Variants in GPC5 observed in about 807,000 individuals in gnomAD.
GPC5 encodes glypican-5.
A neutral mutation model predicts 53.9 loss-of-function variants in GPC5; 47 were observed. That is an observed-to-expected ratio of 0.87 (90% confidence interval 0.69 to 1.11). The LOEUF is 1.11. Among genes scored for constraint, GPC5 ranks in the 50% most tolerant of loss-of-function variants. The probability of loss-of-function intolerance (pLI) is 0.00; values close to 1 mark genes in which losing one functional copy is unlikely to be tolerated. For synonymous variants in GPC5, 286 were observed against 263.3 expected (o/e 1.09, Z -0.84); for missense variants, 748 against 713.1 (o/e 1.05, Z -0.56).
At chr13:91,852,009 T>C (rs1274442706) in intron 5 of GPC5, among the ~76,000 whole-genome samples, 1 of 151,376 alleles carries the variant, frequency 6.6e-6, no homozygotes, top group African/African-American at 2.4e-5. Flanking sequence ...CCTTTGGGTA[T>C]ATACCCAGTA....
intron 7 of GPC5, among the ~76,000 whole-genome samples, chr13:92,281,310 C>T (rs1594063635): frequency 6.6e-6 from 1 of 152,204 alleles, no homozygotes; most frequent in Non-Finnish European, 1.5e-5. Context: ...CTGTAGACTC[C>T]ACCTCTGGGG....
chr13:91,916,693 TG>T (rs1030955516), intron 6 of GPC5, among the ~76,000 whole-genome samples: 5 of 152,140 alleles, frequency 3.3e-5, no homozygotes, highest in Non-Finnish European at 5.9e-5. Flanking sequence ...TGTGCATTGC[TG>T]GGGGGTCCTC....
intron 5 of GPC5, among the ~76,000 whole-genome samples, chr13:91,829,901 A>C (rs1297591715): frequency 1.3e-5 from 2 of 152,082 alleles, no homozygotes; most frequent in Admixed American, 6.6e-5. Flanking sequence ...TCACAAGGCA[A>C]ATGGAGGCAG....
intron 7 of GPC5, among the ~76,000 whole-genome samples, chr13:92,458,266 C>A (rs1878347608): frequency 7.4e-6 from 1 of 134,486 alleles, no homozygotes; most frequent in Non-Finnish European, 1.5e-5. Context: ...TGACATATAG[C>A]ATACTGCTTA....
At chr13:92,331,287 T>C (rs2139235678) in intron 7 of GPC5, among the ~76,000 whole-genome samples, 1 of 152,268 alleles carries the variant, frequency 6.6e-6, no homozygotes, top group Non-Finnish European at 1.5e-5. Flanking sequence ...AGCACAATTA[T>C]TACAAAATGC....
intron 7 of GPC5, among the ~76,000 whole-genome samples, chr13:92,864,367 A>G (rs9523817): frequency 0.2 from 30,170 of 152,104 alleles, 3,523 homozygotes; most frequent in Non-Finnish European, 0.27. Flanking sequence ...AAGATTTAAC[A>G]TCTTTCTACT....
chr13:91,907,181 T>C (rs770129337), intron 5 of GPC5, among the ~76,000 whole-genome samples: 9 of 149,272 alleles, frequency 6.0e-5, no homozygotes, highest in Non-Finnish European at 1.0e-4. Flanking sequence ...TGTTTGTTAT[T>C]GATGTATACT....
intron 7 of GPC5, among the ~76,000 whole-genome samples, chr13:92,551,289 C>T (rs1323701189): frequency 6.9e-6 from 1 of 144,664 alleles, no homozygotes; most frequent in Non-Finnish European, 1.5e-5. Flanking sequence ...TAAAACCAGG[C>T]AGCCAAAAAG....
chr13:91,527,574 C>T (rs976017983), intron 2 of GPC5, among the ~76,000 whole-genome samples: 1 of 152,184 alleles, frequency 6.6e-6, no homozygotes, highest in Non-Finnish European at 1.5e-5. Context: ...GCTATTCGGG[C>T]GTCTGGAGGA....
intron 6 of GPC5, among the ~76,000 whole-genome samples, chr13:92,105,449 G>A (rs2041502560): frequency 6.6e-6 from 1 of 151,972 alleles, no homozygotes; most frequent in African/African-American, 2.4e-5. Context: ...AATATTTTCA[G>A]GACTAGTTCA....
At chr13:92,127,570 C>T (rs138899546) in intron 6 of GPC5, among the ~76,000 whole-genome samples, 2 of 152,148 alleles carry the variant, frequency 1.3e-5, no homozygotes, top group African/African-American at 4.8e-5. Flanking sequence ...ATTAATATTC[C>T]TTGAATTAGC....
intron 6 of GPC5, among the ~76,000 whole-genome samples, chr13:92,057,533 G>T (rs1349920673): frequency 6.6e-6 from 1 of 152,008 alleles, no homozygotes; most frequent in African/African-American, 2.4e-5. Flanking sequence ...TTAGTAATGT[G>T]CTCCAAGCCT....
intron 7 of GPC5, among the ~76,000 whole-genome samples, chr13:92,432,369 T>G (rs1312616152): frequency 1.4e-5 from 2 of 146,798 alleles, no homozygotes; most frequent in African/African-American, 2.5e-5. Flanking sequence ...TTTTTTTTTT[T>G]TTTTTTTTTT....
chr13:91,441,982 A>G (rs1880469396), intron 1 of GPC5, among the ~76,000 whole-genome samples: 1 of 152,224 alleles, frequency 6.6e-6, no homozygotes, highest in African/African-American at 2.4e-5. Context: ...TAAAGCTAAC[A>G]TGTGCTACAA....
chr13:92,218,709 A>G (rs747558148), intron 7 of GPC5, among the ~76,000 whole-genome samples: 2 of 152,178 alleles, frequency 1.3e-5, no homozygotes, highest in Non-Finnish European at 2.9e-5. Flanking sequence ...TTTTTTTCAA[A>G]TCCAGCTTTC....
intron 7 of GPC5, among the ~76,000 whole-genome samples, chr13:92,152,366 G>A (rs1003465493): frequency 6.6e-6 from 1 of 152,110 alleles, no homozygotes; most frequent in African/African-American, 2.4e-5. Flanking sequence ...ATAAAAGCAG[G>A]ACTCTTCAAG....
chr13:92,511,026 C>A (rs79255917), intron 7 of GPC5, among the ~76,000 whole-genome samples: 9,762 of 152,192 alleles, frequency 0.064, 446 homozygotes, highest in South Asian at 0.092. Context: ...TTAATTAAAA[C>A]CTTTGTTAAT....
At chr13:91,595,512 A>G (rs146183609) in intron 2 of GPC5, among the ~76,000 whole-genome samples, 2 of 152,180 alleles carry the variant, frequency 1.3e-5, no homozygotes, top group African/African-American at 2.4e-5. Context: ...TAAATTTTCT[A>G]ATATATGAAG....
At chr13:92,051,567 T>G (rs2041030029) in intron 6 of GPC5, among the ~76,000 whole-genome samples, 1 of 152,188 alleles carries the variant, frequency 6.6e-6, no homozygotes, top group Non-Finnish European at 1.5e-5. Context: ...CACCTTGAGC[T>G]GACCAGCTCT....
Sources: allele counts gnomAD v4.1 joint callset (sites outside exome capture counted in the v4.1 genomes callset), GRCh38; gene constraint gnomAD v4.1.1; transcripts MANE v1.5; gene names NCBI Gene and HGNC (gene_info 2026-07-23, HGNC 2026-07-21).